Variants in DNM1 observed in about 807,000 individuals in gnomAD.
The protein encoded by DNM1 is dynamin-1.
A neutral mutation model predicts 104.6 loss-of-function variants in DNM1; 29 were observed. The ratio of observed to expected loss-of-function variants is 0.28; its 90% CI spans 0.21 to 0.38. The LOEUF is 0.38. Among genes scored for constraint, DNM1 ranks in the 10% least tolerant of loss-of-function variants. The pLI is 1.00. For synonymous variants in DNM1, 445 were observed against 475.8 expected (o/e 0.94, Z 0.84); for missense variants, 640 against 1,189.4 (o/e 0.54, Z 6.79).
At chr9:128,210,094 G>A (rs1050142447) in intron 1 of DNM1, among the ~76,000 whole-genome samples, 9 of 152,144 alleles carry the variant, frequency 5.9e-5, no homozygotes, top group Non-Finnish European at 1.0e-4. Context: ...CACCCAGGCT[G>A]GAGTGCAGTG....
intron 1 of DNM1, among the ~76,000 whole-genome samples, chr9:128,213,662 C>A (rs1428743077): frequency 6.6e-6 from 1 of 152,166 alleles, no homozygotes; most frequent in African/African-American, 2.4e-5. Context: ...CAAGACTCTT[C>A]CCTTTTGTGC....
chr9:128,222,347 T>C lies in DNM1; in HGVS notation c.992+8T>C. ...GACCAAGGCCCTGCTGCAGTGAGGC[T>C]CCCCCAGCTCCTATCACTGAATCCC... On this transcript the variant is annotated splice_region_variant and intron_variant, in intron 7 of 21. Coordinates refer to ENST00000372923, the MANE Select transcript of DNM1 (RefSeq NM_004408.4). This position sits in a 1 kb window ranked among gnomAD's most constrained non-coding sequence, Gnocchi z 7.8. The C allele has an allele frequency of 6.2e-7, 1 of 1,610,900 alleles. No individual in the cohort carries two copies. The highest frequency in any genetic ancestry group is 8.5e-7 in the Non-Finnish European group (1 of 1,178,064).
chr9:128,210,788 A>C (rs1261800471), intron 1 of DNM1, among the ~76,000 whole-genome samples: 1 of 151,924 alleles, frequency 6.6e-6, no homozygotes, highest in Non-Finnish European at 1.5e-5. Context: ...GTTTCTGTCT[A>C]CCCTATTCCC....
chr9:128,237,083 T>C (rs184963759), intron 11 of DNM1, among the ~76,000 whole-genome samples: 3 of 152,324 alleles, frequency 2.0e-5, no homozygotes, highest in Non-Finnish European at 4.4e-5. Flanking sequence ...GCTACATTTG[T>C]GGACTTTGAG....
chr9:128,225,440 G>A (rs939174802), intron 10 of DNM1, among the ~76,000 whole-genome samples: 8 of 152,198 alleles, frequency 5.3e-5, no homozygotes, highest in South Asian at 2.1e-4. Flanking sequence ...CACGGTTTAC[G>A]GGAATGGACC....
chr9:128,250,087 A>C (rs1280165482), intron 19 of DNM1, 28 bp from the exon 20 acceptor site: 2 of 1,613,414 alleles, frequency 1.2e-6, no homozygotes, highest in African/African-American at 2.7e-5. Flanking sequence ...TCAGGTCCCC[A>C]CCTCCTTCCC....
At chr9:128,219,930 T>A (rs1463969823) in intron 4 of DNM1, 58 bp from the exon 5 acceptor site, 1 of 1,394,234 alleles carries the variant, frequency 7.2e-7, no homozygotes, top group Non-Finnish European at 9.8e-7. Flanking sequence ...TGGGAGTGCA[T>A]GGAATTGTGT....
In DNM1 at chr9:128,240,386, A is replaced by G. The variant is rs970661061; in HGVS notation, c.1557+390A>G. On this transcript the variant is annotated intron_variant, in intron 14 of 21. Transcript: ENST00000372923. This position sits in a 1 kb window ranked among gnomAD's most constrained non-coding sequence, Gnocchi z 5.1. ...ACGAATGAGAAGTCAAGAGAAGTCA[A>G]GAAGTCACTGCTCACCTGGCCTCCT... 2.5e-5 allele frequency: 6 copies of G among 241,162 alleles called. No individual in the cohort carries two copies. The East Asian group carries it at 7.2e-4, about 29-fold the overall frequency. 14.9% of individuals were successfully genotyped at this position (241,162 alleles called of 1,614,324 possible). A position where few individuals can be genotyped will look rare whatever the true frequency, so the allele number is the denominator to read the frequency against.
At position 128,253,935 on chromosome 9, in the gene DNM1, A is replaced by G; in HGVS notation, c.2535-719A>G. 4 of 1,232,860 alleles carry G rather than the reference A, an allele frequency of 3.2e-6. No homozygotes were observed. Among genetic ancestry groups the G allele is most frequent in the Non-Finnish European group, 4.0e-6 (4 of 988,632 alleles). 76.4% of individuals were successfully genotyped at this position (1,232,860 alleles called of 1,614,324 possible). A position where few individuals can be genotyped will look rare whatever the true frequency, so the allele number is the denominator to read the frequency against. On this transcript the variant is annotated intron_variant, in intron 21 of 21. Coordinates refer to ENST00000372923, the MANE Select transcript of DNM1 (RefSeq NM_004408.4). The surrounding 1 kb of genome is among the most constrained non-coding windows in gnomAD (Gnocchi z 5.9). ...AGGGGACGACCGTGCCTGCTGGCCC[A>G]GCTGAGCTCCGCCCAGTGAGCCCAC...
In DNM1 at chr9:128,254,411, G is replaced by A. The variant is rs1829722130; in HGVS notation, c.2535-243G>A. The A allele has an allele frequency of 2.8e-6, 4 of 1,429,708 alleles. No individual in the cohort carries two copies. The highest frequency in any genetic ancestry group is 3.6e-6 in the Non-Finnish European group (4 of 1,099,164). The allele number at this position is 1,429,708 out of a possible 1,614,324, so 88.6% of individuals were successfully genotyped here. On this transcript the variant is annotated intron_variant, in intron 21 of 21. Coordinates refer to ENST00000372923, the MANE Select transcript of DNM1 (RefSeq NM_004408.4). This position sits in a 1 kb window ranked among gnomAD's most constrained non-coding sequence, Gnocchi z 6.1. ...GAGAGGCCAGCGTGTGTGGGGTGGG[G>A]AGGGCCGCCACAGCCCCCAGGCGCT... is the stretch of plus-strand genomic sequence containing the variant.
intron 4 of DNM1, among the ~76,000 whole-genome samples, chr9:128,219,522 A>G (rs986198932): frequency 1.3e-5 from 2 of 152,110 alleles, no homozygotes; most frequent in Non-Finnish European, 2.9e-5. Flanking sequence ...TTTAAAAATT[A>G]GCCGGGCACC....
At position 128,220,238 on chromosome 9, in the gene DNM1, C is replaced by T; in HGVS notation, c.746C>T (p.Thr249Ile). Residue 249 changes from threonine to isoleucine, a missense_variant, in exon 6 of 22, where the codon ACC becomes ATC. This residue lies in a region of DNM1 where 81 missense variants were observed against 99.8 expected (regional missense o/e 0.81). Coordinates refer to ENST00000372923, the MANE Select transcript of DNM1 (RefSeq NM_004408.4). The surrounding 1 kb of genome is among the most constrained non-coding windows in gnomAD (Gnocchi z 5.2). ...GACATTGATGGCAAGAAGGACATTA[C>T]CGCCGCCTTGGCTGCTGAACGAAAG... ...QKDIDGKKDI[T>I]AALAAERKFF... 1 of 1,614,232 alleles carries T rather than the reference C, an allele frequency of 6.2e-7. No individual in the cohort carries two copies. Among genetic ancestry groups the T allele is most frequent in the East Asian group, 2.2e-5 (1 of 44,884 alleles).
At chr9:128,239,885 A>G in intron 13 of DNM1, 100 bp from the exon 14 acceptor site, 3 of 1,571,994 alleles carry the variant, frequency 1.9e-6, no homozygotes, top group Non-Finnish European at 2.6e-6. Context: ...GGGGCCAGGG[A>G]CCTGTCAGCT....
rs34036148 is a variant in DNM1 at position 128,239,567 on chromosome 9, C to CGTGTGTGTGTGT, written c.1493+91_1493+102dup. On this transcript the variant is annotated intron_variant, in intron 12 of 21. Transcript: ENST00000372923. ...AGTGCTCCCTGGGCAGAGAAGGTAA[C>CGTGTGTGTGTGT]GTGTGTGTGTGTGTGTGTGTGTGTG... 674 of 882,418 alleles carry CGTGTGTGTGTGT rather than the reference C, an allele frequency of 7.6e-4. 6 individuals carry two copies. In the African/African-American group the frequency reaches 0.011, roughly 15 times the overall value. 54.7% of individuals were successfully genotyped at this position (882,418 alleles called of 1,614,324 possible).
chr9:128,243,139 T>C lies in DNM1; in HGVS notation c.1671+794T>C, dbSNP rs1277702265. Among the ~76,000 whole-genome samples the C allele has an allele frequency of 1.3e-5, 2 of 152,092 alleles. No homozygotes were observed. The highest frequency in any genetic ancestry group is 4.8e-5 in the African/African-American group (2 of 41,398). On this transcript the variant is annotated intron_variant, in intron 15 of 21. Transcript: ENST00000372923. This position sits in a 1 kb window ranked among gnomAD's most constrained non-coding sequence, Gnocchi z 4.0. ...TGAGGGGCAAGGAGTGTGGGGGCCC[T>C]GCCGAGGTGCCACAAAAAACCCCTC...
chr9:128,233,782 G>T (rs1487446839), intron 10 of DNM1: 8 of 561,478 alleles, frequency 1.4e-5, no homozygotes, highest in Non-Finnish European at 2.5e-5. Context: ...GGCCAGTGAA[G>T]AGGGCCCGGA....
chr9:128,218,845 A>C lies in DNM1; in HGVS notation c.385+114A>C. Reference sequence around the variant, plus strand: ...CCTAGAATGACCCTGCCTCTGCATCATCCTATTCCAAGCTCCACCCTGCCG... The same window carrying C: ...CCTAGAATGACCCTGCCTCTGCATCCTCCTATTCCAAGCTCCACCCTGCCG... On this transcript the variant is annotated intron_variant, in intron 3 of 21. Coordinates refer to ENST00000372923, the MANE Select transcript of DNM1 (RefSeq NM_004408.4). The surrounding 1 kb of genome is among the most constrained non-coding windows in gnomAD (Gnocchi z 4.8). The C allele has an allele frequency of 7.2e-7, 1 of 1,398,210 alleles. No individual in the cohort carries two copies. The highest frequency in any genetic ancestry group is 9.6e-7 in the Non-Finnish European group (1 of 1,047,004). The allele number at this position is 1,398,210 out of a possible 1,614,324, so 86.6% of individuals were successfully genotyped here. A position where few individuals can be genotyped will look rare whatever the true frequency, so the allele number is the denominator to read the frequency against.
chr9:128,218,339 C>T lies in DNM1; in HGVS notation c.235+35C>T, dbSNP rs775084027. ...CTCCTTCACCAGCAGCCAGGCCTGC[C>T]CACTCCAGCCTCTCCCCCGTCCCCA... is the stretch of plus-strand genomic sequence containing the variant. On this transcript the variant is annotated intron_variant, in intron 2 of 21. Transcript: ENST00000372923. This position sits in a 1 kb window ranked among gnomAD's most constrained non-coding sequence, Gnocchi z 4.8. 54 of 1,608,086 alleles carry T rather than the reference C, an allele frequency of 3.4e-5. No individual in the cohort carries two copies. The highest frequency in any genetic ancestry group is 4.5e-5 in the Non-Finnish European group (53 of 1,174,568).
At chr9:128,238,322 T>G (rs1836141535) in intron 11 of DNM1, among the ~76,000 whole-genome samples, 1 of 152,180 alleles carries the variant, frequency 6.6e-6, no homozygotes, top group Admixed American at 6.6e-5. Flanking sequence ...CCTCCTGAGT[T>G]CAAGTGATTC....
Sources: allele counts gnomAD v4.1 joint callset (sites outside exome capture counted in the v4.1 genomes callset), GRCh38; gene constraint gnomAD v4.1.1; regional missense constraint gnomAD v4.1.1; non-coding constraint Gnocchi (gnomAD v3.1); transcripts MANE v1.5; gene names NCBI Gene and HGNC (gene_info 2026-07-23, HGNC 2026-07-21).